Variants in VASH2 observed in about 807,000 individuals in gnomAD.
VASH2 encodes the protein tubulinyl-Tyr carboxypeptidase 2.
A neutral mutation model predicts 37.2 loss-of-function variants in VASH2; 28 were observed. The ratio of observed to expected loss-of-function variants is 0.75; its 90% CI spans 0.56 to 1.03. VASH2 has a LOEUF of 1.03. Among genes scored for constraint, VASH2 ranks in the 50% least tolerant of loss-of-function variants. The probability of loss-of-function intolerance (pLI) is 0.00; values close to 1 mark genes in which losing one functional copy is unlikely to be tolerated. For synonymous variants in VASH2, 188 were observed against 174.7 expected, an observed-to-expected ratio of 1.08 and a Z score of -0.60; for missense variants, 419 against 459.1, an observed-to-expected ratio of 0.91 and a Z score of 0.80.
intron 5 of VASH2, chr1:212,968,177 AG>A: frequency 1.0e-6 from 1 of 984,088 alleles, no homozygotes; most frequent in Non-Finnish European, 1.2e-6. Flanking sequence ...TGGAGCTCAC[AG>A]GGGAATCTGC....
intron 7 of VASH2, among the ~76,000 whole-genome samples, chr1:212,975,658 T>A (rs998787875): frequency 6.6e-6 from 1 of 152,374 alleles, no homozygotes; most frequent in Non-Finnish European, 1.5e-5. Context: ...ATAGAAACTC[T>A]TCCCAGAGGG....
At chr1:212,963,946 A>G (rs949087663) in intron 3 of VASH2, among the ~76,000 whole-genome samples, 2 of 152,028 alleles carry the variant, frequency 1.3e-5, no homozygotes, top group African/African-American at 4.8e-5. Context: ...ATCACTTCAC[A>G]ATGAGAATAT....
At chr1:212,966,627 A>G (rs1189723094) in intron 5 of VASH2, among the ~76,000 whole-genome samples, 3 of 152,220 alleles carry the variant, frequency 2.0e-5, no homozygotes, top group Non-Finnish European at 4.4e-5. Context: ...AATCACAAGG[A>G]GAATTCTAAC....
intron 6 of VASH2, 58 bp from the exon 7 acceptor site, chr1:212,973,897 A>G: frequency 6.3e-7 from 1 of 1,575,694 alleles, no homozygotes; most frequent in Admixed American, 1.8e-5. Context: ...CTAGAAGAAG[A>G]CCTGAGGGTG....
intron 5 of VASH2, among the ~76,000 whole-genome samples, chr1:212,972,375 T>A: frequency 6.6e-6 from 1 of 152,210 alleles, no homozygotes; most frequent in Admixed American, 6.5e-5. Flanking sequence ...TCATATTTAC[T>A]TGGTTTGGAT....
chr1:212,960,212 C>G (rs1021383535), intron 2 of VASH2, among the ~76,000 whole-genome samples: 1 of 152,190 alleles, frequency 6.6e-6, no homozygotes, highest in Non-Finnish European at 1.5e-5. Context: ...CCTGCTTCCC[C>G]CTTTCCAGTC....
chr1:212,962,236 T>C (rs1304875695), intron 3 of VASH2, among the ~76,000 whole-genome samples: 2 of 152,196 alleles, frequency 1.3e-5, no homozygotes, highest in Non-Finnish European at 2.9e-5. Context: ...CCACGAGCAA[T>C]GCTGTAGGGA....
chr1:212,979,226 C>T (rs548914396), intron 7 of VASH2, among the ~76,000 whole-genome samples: 16 of 152,188 alleles, frequency 1.1e-4, no homozygotes, highest in Non-Finnish European at 1.9e-4. Context: ...CCATGGCCTT[C>T]GCCAAGCAGC....
chr1:212,984,398 T>C (rs1383719222), intron 7 of VASH2, among the ~76,000 whole-genome samples: 1 of 152,164 alleles, frequency 6.6e-6, no homozygotes, highest in Non-Finnish European at 1.5e-5. Context: ...TGAGCCTCCA[T>C]GACAGGGATG....
At chr1:212,953,228 C>CGCG (rs1558139258) in intron 2 of VASH2, among the ~76,000 whole-genome samples, 1 of 108,116 alleles carries the variant, frequency 9.2e-6, no homozygotes, top group African/African-American at 3.0e-5. Flanking sequence ...TATGCGGGTG[C>CGCG]GCGGGGGGGG....
At chr1:212,965,094 T>C (rs1572065301) in intron 3 of VASH2, among the ~76,000 whole-genome samples, 1 of 152,352 alleles carries the variant, frequency 6.6e-6, no homozygotes, top group East Asian at 1.9e-4. Flanking sequence ...CTAATTTTTG[T>C]ATTTTTAGTA....
chr1:212,962,272 C>T (rs1666704341), intron 3 of VASH2, among the ~76,000 whole-genome samples: 1 of 152,170 alleles, frequency 6.6e-6, no homozygotes, highest in Non-Finnish European at 1.5e-5. Flanking sequence ...GGGTGGTCCA[C>T]CTGCCCCTTC....
In VASH2 at chr1:212,988,763, G is replaced by A. The variant is rs367591676; in HGVS notation, c.*179G>A. 2 of 669,762 alleles carry A rather than the reference G, an allele frequency of 3.0e-6. No individual in the cohort carries two copies. The highest frequency in any genetic ancestry group is 5.1e-6 in the Non-Finnish European group (2 of 394,792). 41.5% of individuals were successfully genotyped at this position (669,762 alleles called of 1,614,324 possible). ...TTAGCTTTAAAAAATTCACTAAAAG[G>A]CACCATGAAAAGGCTGAAGTAATAA... On this transcript the variant is annotated 3_prime_UTR_variant, in exon 8 of 8. Coordinates refer to ENST00000517399, the MANE Select transcript of VASH2 (RefSeq NM_001301056.2).
rs35976699 is a variant in VASH2 at position 212,974,058 on chromosome 1, G to A, written c.983G>A (p.Arg328Gln). Residue 328 changes from arginine (R) to glutamine (Q), a missense_variant, in exon 7 of 8, where the codon CGG becomes CAG. By Grantham distance (43) the Arg-to-Gln change is conservative (BLOSUM62 1). Coordinates refer to ENST00000517399, the MANE Select transcript of VASH2 (RefSeq NM_001301056.2). ...GCAAGCCCCCCGAGGAGGCTCGGCCGGCGAGAGAAGTCGTGAGTAATATTT... is the reference window on the plus strand; with the variant it reads ...GCAAGCCCCCCGAGGAGGCTCGGCCAGCGAGAGAAGTCGTGAGTAATATTT... Reference protein sequence around the residue: ...RQASPPRRLGRREKSPALPEK... With the variant: ...RQASPPRRLGQREKSPALPEK... 0.026 allele frequency: 42,653 copies of A among 1,612,312 alleles called. 715 individuals are homozygous for A. The highest frequency in any genetic ancestry group is 0.057 in the Middle Eastern group (345 of 6,050).
In VASH2 at chr1:212,951,604, G is replaced by A. The variant is rs1666308995; in HGVS notation, c.62G>A (p.Arg21Gln). 1.3e-6 allele frequency: 2 copies of A among 1,554,590 alleles called. No individual in the cohort carries two copies. Among genetic ancestry groups the A allele is most frequent in the South Asian group, 1.2e-5 (1 of 84,378 alleles). The change falls in exon 2 of 8, where the codon CGG becomes CAG. Residue 21 changes from arginine (R) to glutamine (Q), a missense_variant. Around this residue, in one of 3 missense-constraint regions of VASH2, gnomAD observed 158 missense variants for 163.0 expected, o/e 0.97. Coordinates refer to ENST00000517399, the MANE Select transcript of VASH2 (RefSeq NM_001301056.2). This position sits in a 1 kb window ranked among gnomAD's most constrained non-coding sequence, Gnocchi z 4.4. ...CPHPKGAKGT[R>Q]SRSSHARPVS... ...CACCCCAAAGGCGCCAAAGGCACCCGGTCCCGGAGCAGCCACGCGCGGCCC... is the reference window on the plus strand; with the variant it reads ...CACCCCAAAGGCGCCAAAGGCACCCAGTCCCGGAGCAGCCACGCGCGGCCC...
intron 7 of VASH2, among the ~76,000 whole-genome samples, chr1:212,975,238 C>T (rs762284458): frequency 5.3e-5 from 8 of 152,170 alleles, no homozygotes; most frequent in Non-Finnish European, 1.0e-4. Flanking sequence ...CAGGACAGGA[C>T]GAAGTATTTT....
In VASH2 at chr1:212,951,116, C is replaced by T. The variant is rs2102611744; in HGVS notation, c.-204-223C>T. ...ATCCCCCAAGCTCCTTGTGCCCCTC[C>T]ATCCCCAACCCCCCGGGTTTAGGTG... On this transcript the variant is annotated intron_variant, in intron 1 of 7. Transcript: ENST00000517399. This position sits in a 1 kb window ranked among gnomAD's most constrained non-coding sequence, Gnocchi z 4.4. The T allele has an allele frequency of 6.6e-6, 1 of 152,536 alleles. No homozygotes were observed. Among genetic ancestry groups the T allele is most frequent in the South Asian group, 2.1e-4 (1 of 4,834 alleles). 9.4% of individuals were successfully genotyped at this position (152,536 alleles called of 1,614,324 possible). A position where few individuals can be genotyped will look rare whatever the true frequency, so the allele number is the denominator to read the frequency against.
chr1:212,967,572 G>A (rs1370907066), intron 5 of VASH2: 4 of 454,844 alleles, frequency 8.8e-6, no homozygotes, highest in East Asian at 1.6e-4. Flanking sequence ...AAGCTCTGAA[G>A]CAGAGGTGTG....
At chr1:212,979,062 T>G (rs1667263433) in intron 7 of VASH2, among the ~76,000 whole-genome samples, 1 of 151,506 alleles carries the variant, frequency 6.6e-6, no homozygotes, top group Non-Finnish European at 1.5e-5. Flanking sequence ...GACATGAGAA[T>G]AAGAAGAAGA....
Sources: allele counts gnomAD v4.1 joint callset (sites outside exome capture counted in the v4.1 genomes callset), GRCh38; gene constraint gnomAD v4.1.1; regional missense constraint gnomAD v4.1.1; non-coding constraint Gnocchi (gnomAD v3.1); transcripts MANE v1.5; gene names NCBI Gene and HGNC (gene_info 2026-07-23, HGNC 2026-07-21).